POU6F2: variants seen among roughly 807,000 people sequenced by gnomAD.
POU6F2 encodes the protein POU domain, class 6, transcription factor 2.
In POU6F2, 31 loss-of-function variants were observed where a neutral mutation model predicts 71.3. That is an observed-to-expected ratio of 0.43 (90% CI 0.33 to 0.59). The LOEUF is 0.59. Ranked by LOEUF, POU6F2 falls within the 20% of genes least tolerant of loss-of-function variation. The probability of loss-of-function intolerance (pLI) is 0.04; values close to 1 mark genes in which losing one functional copy is unlikely to be tolerated. For synonymous variants in POU6F2, 347 were observed against 355.7 expected (o/e 0.98, Z 0.27); for missense variants, 783 against 856.8 (o/e 0.91, Z 1.07).
chr7:39,180,595 T>C (rs1302956878), intron 2 of POU6F2, among the ~76,000 whole-genome samples: 2 of 152,188 alleles, frequency 1.3e-5, no homozygotes, highest in African/African-American at 4.8e-5. Context: ...GTGTCTCCGC[T>C]ATTCCCAGTC....
intron 2 of POU6F2, among the ~76,000 whole-genome samples, chr7:39,166,913 T>C (rs1297739327): frequency 1.3e-5 from 2 of 152,228 alleles, no homozygotes; most frequent in East Asian, 1.9e-4. Flanking sequence ...GTAAGTTTTC[T>C]ATATGGAAAT....
intron 1 of POU6F2, among the ~76,000 whole-genome samples, chr7:39,075,207 T>C (rs545939594): frequency 3.9e-5 from 6 of 152,250 alleles, no homozygotes; most frequent in African/African-American, 1.4e-4. Flanking sequence ...AATTTTACCA[T>C]CATTATAATG....
chr7:39,192,322 T>G (rs1258265015), intron 2 of POU6F2, among the ~76,000 whole-genome samples: 1 of 152,210 alleles, frequency 6.6e-6, no homozygotes, highest in African/African-American at 2.4e-5. Context: ...TGCTGTTTTA[T>G]TTCTGCTTTA....
rs555589126 is a variant in POU6F2, at chr7:39,449,113, G to A, written c.1321-2420G>A. The stretch of plus-strand genomic sequence containing the variant: ...ACTTCGCATAGCTGAGCAACAATAC[G>A]GGTGTTCACTTGAAATGCAACCTCA... On this transcript the variant is annotated intron_variant, in intron 7 of 9. Coordinates refer to ENST00000518318, the MANE Select transcript of POU6F2 (RefSeq NM_001370959.1). Among the ~76,000 whole-genome samples the A allele has an allele frequency of 4.2e-4, 64 of 152,300 alleles. No homozygotes were observed. The South Asian group carries it at 0.011, about 25-fold the overall frequency.
At chr7:39,123,784 T>G (rs1035694252) in intron 2 of POU6F2, among the ~76,000 whole-genome samples, 4 of 152,272 alleles carry the variant, frequency 2.6e-5, no homozygotes, top group Non-Finnish European at 4.4e-5. Flanking sequence ...TTTGGTTTTT[T>G]TTTTTATTCT....
At chr7:38,981,920 C>T (rs764969592) in intron 1 of POU6F2, among the ~76,000 whole-genome samples, 6 of 152,042 alleles carry the variant, frequency 3.9e-5, no homozygotes, top group African/African-American at 7.2e-5. Flanking sequence ...AATATTTCAC[C>T]GTTATAGCAT....
intron 2 of POU6F2, among the ~76,000 whole-genome samples, chr7:39,117,461 A>G (rs886568246): frequency 6.6e-6 from 1 of 152,230 alleles, no homozygotes; most frequent in African/African-American, 2.4e-5. Context: ...AATAAACATA[A>G]CCATAAAGGG....
At chr7:39,137,007 C>T (rs1792400787) in intron 2 of POU6F2, among the ~76,000 whole-genome samples, 1 of 84,714 alleles carries the variant, frequency 1.2e-5, no homozygotes, top group African/African-American at 5.3e-5. Flanking sequence ...AGAGTGAGAC[C>T]CTGTCAAAAA....
chr7:39,025,628 C>G (rs1249325018), intron 1 of POU6F2, among the ~76,000 whole-genome samples: 1 of 151,824 alleles, frequency 6.6e-6, no homozygotes, highest in Non-Finnish European at 1.5e-5. Context: ...AAATGTTAGA[C>G]CTAAAACCAT....
chr7:39,351,915 G>T (rs909119452), intron 5 of POU6F2, among the ~76,000 whole-genome samples: 1 of 152,116 alleles, frequency 6.6e-6, no homozygotes, highest in Non-Finnish European at 1.5e-5. Flanking sequence ...TCTCATGGTG[G>T]GAGTTTCCTC....
chr7:39,002,049 C>G (rs1238112688), intron 1 of POU6F2: 1 of 152,104 alleles, frequency 6.6e-6, no homozygotes, highest in Admixed American at 6.5e-5. Flanking sequence ...AAATGTAACT[C>G]CTTGACATGT....
At chr7:39,124,924 G>A (rs998524170) in intron 2 of POU6F2, among the ~76,000 whole-genome samples, 3 of 152,064 alleles carry the variant, frequency 2.0e-5, no homozygotes, top group Non-Finnish European at 2.9e-5. Context: ...TTTGTGTGTG[G>A]AGGAAGGCCA....
chr7:39,429,373 T>A (rs1304972527), intron 6 of POU6F2, among the ~76,000 whole-genome samples: 1 of 152,154 alleles, frequency 6.6e-6, no homozygotes, highest in Non-Finnish European at 1.5e-5. Flanking sequence ...AGTGACTCAT[T>A]CATTCCCAAT....
Position 39,334,035 on chromosome 7 carries a change from G to C in POU6F2, c.599-5607G>C, listed in dbSNP as rs186743162. 1.7e-3 allele frequency among the ~76,000 whole-genome samples: 266 copies of C among 152,332 alleles called. 1 individual carries two copies. The highest frequency in any genetic ancestry group is 3.0e-3 in the Non-Finnish European group (206 of 68,038). On this transcript the variant is annotated intron_variant, in intron 4 of 9. Coordinates refer to ENST00000518318, the MANE Select transcript of POU6F2 (RefSeq NM_001370959.1). ...AACAATCAACCTAAGAAAGAAGCTT[G>C]GGTGGCTCAGACAATACAAGGAAAT...
At chr7:39,009,402 T>A (rs1303456522) in intron 1 of POU6F2, among the ~76,000 whole-genome samples, 2 of 152,308 alleles carry the variant, frequency 1.3e-5, no homozygotes, top group Non-Finnish European at 2.9e-5. Flanking sequence ...AAGTTGCTTA[T>A]CAGCTGAAGG....
intron 6 of POU6F2, among the ~76,000 whole-genome samples, chr7:39,413,829 T>C (rs752235883): frequency 3.3e-5 from 5 of 152,212 alleles, no homozygotes; most frequent in African/African-American, 9.6e-5. Flanking sequence ...TACTAACATA[T>C]CAAATTTCCC....
chr7:39,006,036 C>T (rs77673071), intron 1 of POU6F2, among the ~76,000 whole-genome samples: 2,367 of 152,222 alleles, frequency 0.016, 30 homozygotes, highest in Middle Eastern at 0.054. Context: ...AATGCTGTGC[C>T]AGCATGTATG....
At chr7:39,211,622 G>A (rs1205233643) in intron 4 of POU6F2, among the ~76,000 whole-genome samples, 1 of 152,172 alleles carries the variant, frequency 6.6e-6, no homozygotes, top group Non-Finnish European at 1.5e-5. Flanking sequence ...CATCAGTGAT[G>A]AGTTCTTATT....
intron 5 of POU6F2, among the ~76,000 whole-genome samples, chr7:39,350,678 G>A (rs556357069): frequency 6.6e-6 from 1 of 152,306 alleles, no homozygotes; most frequent in Non-Finnish European, 1.5e-5. Context: ...ACATCTTCAA[G>A]GCACAGCCTA....
Sources: gnomAD v4.1 joint callset for allele counts (sites outside exome capture counted in the v4.1 genomes callset) on GRCh38, gnomAD v4.1.1 for gene constraint, MANE v1.5 for transcripts, NCBI Gene and HGNC (gene_info 2026-07-23, HGNC 2026-07-21) for gene names.